Variants in GMDS observed in about 807,000 individuals in gnomAD.
GMDS encodes GDP-mannose 4,6-dehydratase.
Under a neutral mutation model 49.9 loss-of-function variants are expected in GMDS, and 20 were observed. That is an observed-to-expected ratio of 0.40 (90% confidence interval 0.28 to 0.58). The LOEUF is 0.58. Among genes scored for constraint, GMDS ranks in the 20% least tolerant of loss-of-function variants. The pLI is 0.42. For synonymous variants in GMDS, 177 were observed against 178.6 expected (o/e 0.99, Z 0.07); for missense variants, 362 against 481.4 (o/e 0.75, Z 2.32).
intron 7 of GMDS, among the ~76,000 whole-genome samples, chr6:1,830,883 G>A (rs987902803): frequency 1.3e-5 from 2 of 152,166 alleles, no homozygotes; most frequent in African/African-American, 2.4e-5. Context: ...TTTGTAGACC[G>A]ATATGTGAAA....
chr6:2,149,669 A>C (rs1434045342), intron 1 of GMDS, among the ~76,000 whole-genome samples: 2 of 152,234 alleles, frequency 1.3e-5, no homozygotes, highest in Non-Finnish European at 2.9e-5. Flanking sequence ...TTAAAAGTGC[A>C]TTTACAAAGA....
intron 1 of GMDS, among the ~76,000 whole-genome samples, chr6:2,188,368 T>C (rs1778869172): frequency 6.6e-6 from 1 of 152,220 alleles, no homozygotes; most frequent in South Asian, 2.1e-4. Context: ...ATCAGCAACC[T>C]TCTTTTAGTC....
At chr6:2,030,187 G>A (rs1422323363) in intron 4 of GMDS, among the ~76,000 whole-genome samples, 3 of 152,202 alleles carry the variant, frequency 2.0e-5, no homozygotes, top group African/African-American at 7.2e-5. Context: ...ACAAGAGTCT[G>A]TGGGTTTGGT....
intron 9 of GMDS, among the ~76,000 whole-genome samples, chr6:1,699,041 G>A (rs1167657321): frequency 1.3e-5 from 2 of 152,072 alleles, no homozygotes; most frequent in African/African-American, 4.8e-5. Context: ...GAACACATAG[G>A]TCCTCTTAGT....
chr6:2,115,709 C>CA (rs1200258469), intron 4 of GMDS, 62 bp downstream of exon 4: 1 of 850,262 alleles, frequency 1.2e-6, no homozygotes, highest in African/African-American at 1.7e-5. Context: ...AAGCAGCAGA[C>CA]ACAAGTAAAA....
rs140489506 is a variant in GMDS at position 1,786,375 on chromosome 6, C to T, written c.772-43789G>A. Reference sequence around the variant, plus strand: ...GGAAGCAGGGTTGGCTATGGGCAAGCACCAGTAAGAACCAAGGCCAGCAGG... The same window carrying T: ...GGAAGCAGGGTTGGCTATGGGCAAGTACCAGTAAGAACCAAGGCCAGCAGG... On this transcript the variant is annotated intron_variant, in intron 7 of 10. Transcript: ENST00000380815. Among the ~76,000 whole-genome samples the T allele has an allele frequency of 2.0e-3, 302 of 152,360 alleles. 2 individuals are homozygous for T. The highest frequency in any genetic ancestry group is 7.1e-3 in the African/African-American group (296 of 41,590).
chr6:1,692,591 A>T (rs1765212195), intron 9 of GMDS, among the ~76,000 whole-genome samples: 2 of 152,160 alleles, frequency 1.3e-5, no homozygotes, highest in Admixed American at 6.5e-5. Context: ...TAATTTTTTT[A>T]AAATTCTGTT....
intron 7 of GMDS, among the ~76,000 whole-genome samples, chr6:1,765,213 C>T (rs1768305028): frequency 6.6e-6 from 1 of 152,140 alleles, no homozygotes; most frequent in Non-Finnish European, 1.5e-5. Context: ...CTAACTTAAG[C>T]ATGGTAGCAA....
At chr6:2,005,100 T>C (rs1408079629) in intron 4 of GMDS, among the ~76,000 whole-genome samples, 1 of 152,190 alleles carries the variant, frequency 6.6e-6, no homozygotes, top group African/African-American at 2.4e-5. Flanking sequence ...TCAAACATTC[T>C]TGCTAAAATC....
rs901103057 is a variant in GMDS at position 1,947,483 on chromosome 6, T to C, written c.643+12384A>G. 6.6e-5 allele frequency among the ~76,000 whole-genome samples: 10 copies of C among 152,308 alleles called. 1 individual carries two copies. Among genetic ancestry groups the C allele is most frequent in the South Asian group, 6.2e-4 (3 of 4,822 alleles). On this transcript the variant is annotated intron_variant, in intron 6 of 10. Coordinates refer to ENST00000380815, the MANE Select transcript of GMDS (RefSeq NM_001500.4). Reference sequence around the variant, plus strand: ...GGCCTCCCTTATTCCTCTGATACAATTGTGCTGAAAACCCACCTTTCTTGC... The same window carrying C: ...GGCCTCCCTTATTCCTCTGATACAACTGTGCTGAAAACCCACCTTTCTTGC...
intron 7 of GMDS, among the ~76,000 whole-genome samples, chr6:1,832,111 C>G (rs892290663): frequency 2.0e-5 from 3 of 151,766 alleles, no homozygotes; most frequent in African/African-American, 7.3e-5. Context: ...TCCTAGCACT[C>G]TGGGAGGCCA....
chr6:1,833,505 C>CT lies in GMDS; in HGVS notation c.772-90920dup, dbSNP rs3839598. ...CTGAATGCAGCACACATTTTTAAAA[C>CT]TTTTTTTTTTTGCCTTTTCTTCCTT... On this transcript the variant is annotated intron_variant, in intron 7 of 10. Coordinates refer to ENST00000380815, the MANE Select transcript of GMDS (RefSeq NM_001500.4). This position sits in a 1 kb window ranked among gnomAD's most constrained non-coding sequence, Gnocchi z 4.4. 6.0e-3 allele frequency among the ~76,000 whole-genome samples: 872 copies of CT among 146,536 alleles called. 42 individuals are homozygous for CT. The East Asian group carries it at 0.13, about 22-fold the overall frequency.
chr6:1,942,752 C>G (rs1481152152), intron 6 of GMDS, among the ~76,000 whole-genome samples: 1 of 152,216 alleles, frequency 6.6e-6, no homozygotes, highest in African/African-American at 2.4e-5. Flanking sequence ...ATCGGACGTT[C>G]CTGCCATTCC....
intron 1 of GMDS, among the ~76,000 whole-genome samples, chr6:2,182,974 C>T (rs1163843011): frequency 6.6e-6 from 1 of 152,178 alleles, no homozygotes; most frequent in Non-Finnish European, 1.5e-5. Context: ...TCCCAAAGTG[C>T]TGGGATTACA....
intron 7 of GMDS, among the ~76,000 whole-genome samples, chr6:1,853,086 G>T (rs1289291035): frequency 1.3e-5 from 2 of 152,120 alleles, no homozygotes; most frequent in Non-Finnish European, 2.9e-5. Context: ...GGGAAATGCA[G>T]GCAGGACTTG....
At chr6:2,109,134 T>C (rs140624012) in intron 4 of GMDS, among the ~76,000 whole-genome samples, 118 of 152,300 alleles carry the variant, frequency 7.7e-4, no homozygotes, top group African/African-American at 2.6e-3. Flanking sequence ...CATCCATTTC[T>C]CTAGATAATT....
At chr6:1,660,550 C>T (rs779943532) in intron 9 of GMDS, among the ~76,000 whole-genome samples, 13 of 151,370 alleles carry the variant, frequency 8.6e-5, no homozygotes, top group Non-Finnish European at 1.8e-4. Context: ...GTGGCTCATC[C>T]AGTAGGAGAA....
chr6:1,861,072 G>A (rs976789649), intron 7 of GMDS, among the ~76,000 whole-genome samples: 4 of 152,166 alleles, frequency 2.6e-5, no homozygotes, highest in Non-Finnish European at 1.5e-5. Context: ...TCTTTACTCT[G>A]CCTTCCAGTT....
At chr6:2,060,013 A>T (rs1771051426) in intron 4 of GMDS, among the ~76,000 whole-genome samples, 1 of 151,250 alleles carries the variant, frequency 6.6e-6, no homozygotes, top group Admixed American at 6.6e-5. Flanking sequence ...TTCAAAATTA[A>T]AAAAAATACA....
Sources: gnomAD v4.1 joint callset for allele counts (sites outside exome capture counted in the v4.1 genomes callset) on GRCh38, gnomAD v4.1.1 for gene constraint, Gnocchi (gnomAD v3.1) non-coding constraint, MANE v1.5 for transcripts, NCBI Gene and HGNC (gene_info 2026-07-23, HGNC 2026-07-21) for gene names.